TRPA1: variants seen among roughly 807,000 people sequenced by gnomAD.
TRPA1 encodes transient receptor potential cation channel subfamily A member 1.
TRPA1 carries 129 observed loss-of-function variants against 131.3 expected under a neutral mutation model. The ratio of observed to expected loss-of-function variants is 0.98; its 90% confidence interval spans 0.85 to 1.14. The LOEUF is 1.14. TRPA1 is among the 50% of genes most tolerant of loss of function. TRPA1 has a pLI of 0.00. For missense variants in TRPA1, 1,304 were observed against 1,354.2 expected (o/e 0.96, Z 0.58); for synonymous variants, 441 against 451.7 (o/e 0.98, Z 0.30).
At chr8:72,061,926 T>C (rs1434001595) in intron 6 of TRPA1, among the ~76,000 whole-genome samples, 165 bp from the exon 7 acceptor site, 1 of 152,242 alleles carries the variant, frequency 6.6e-6, no homozygotes, top group Non-Finnish European at 1.5e-5. Flanking sequence ...CTTGATTTTA[T>C]GGACCTGCAA....
intron 13 of TRPA1, 61 bp from the exon 14 acceptor site, chr8:72,052,826 T>C: frequency 6.3e-7 from 1 of 1,586,478 alleles, no homozygotes; most frequent in South Asian, 1.1e-5. Context: ...CTTATTTCAC[T>C]GCTTAACTGC....
At position 72,063,316 on chromosome 8, in the gene TRPA1, G is replaced by T. The variant is rs944242268; in HGVS notation, c.661+147C>A. On this transcript the variant is annotated intron_variant, in intron 5 of 26. Transcript: ENST00000262209. ...AATCACTTGAACCTGGAAGGCTGAA[G>T]TTGCAGTGAGCTGAGATCACACCAC... 3.1e-5 allele frequency: 19 copies of T among 619,246 alleles called. No homozygotes were observed. In the South Asian group the frequency reaches 3.5e-4, roughly 11 times the overall value. 38.4% of individuals were successfully genotyped at this position (619,246 alleles called of 1,614,324 possible).
intron 26 of TRPA1, 37 bp from the exon 27 acceptor site, chr8:72,023,153 G>A (rs772505333): frequency 2.6e-5 from 41 of 1,590,060 alleles, no homozygotes; most frequent in Non-Finnish European, 3.5e-5. Context: ...TTTATTTTCA[G>A]TTCTTCTTTT....
the TRPA1 span, among the ~76,000 whole-genome samples, chr8:72,084,491 G>T: frequency 6.7e-6 from 1 of 148,366 alleles, no homozygotes. Context: ...CTATTTTTTT[G>T]TTTCTTATGA....
chr8:72,081,954 T>G, the TRPA1 span, among the ~76,000 whole-genome samples: 1 of 151,920 alleles, frequency 6.6e-6, no homozygotes, highest in East Asian at 1.9e-4. Context: ...TTAATTACAA[T>G]ATTTACTCAT....
rs544365899 is a variant in TRPA1 at position 72,062,547 on chromosome 8, T to C, written c.807+252A>G. 7.9e-5 allele frequency among the ~76,000 whole-genome samples: 12 copies of C among 152,314 alleles called. No individual in the cohort carries two copies. In the East Asian group the frequency reaches 1.9e-3, roughly 24 times the overall value. On this transcript the variant is annotated intron_variant, in intron 6 of 26. Transcript: ENST00000262209. ...TGAGGGTAGGCCTTAACTTCTTTAA[T>C]GGCAACTGCACTAGATATATAGTCT...
chr8:72,043,656 G>T (rs10504524), intron 17 of TRPA1, among the ~76,000 whole-genome samples: 37,573 of 151,192 alleles, frequency 0.25, 4,901 homozygotes, highest in Middle Eastern at 0.42. Flanking sequence ...TCCATCTTTC[G>T]GAAATAACTG....
Position 72,055,530 on chromosome 8 carries a change from C to T in TRPA1, c.1435G>A (p.Asp479Asn). Residue 479 changes from aspartate to asparagine, a missense_variant, in exon 12 of 27, where the codon GAC becomes AAC. Asp to Asn is a conservative substitution (Grantham distance 23, BLOSUM62 1). Transcript: ENST00000262209. ...TGGAGAGGAGTCATTCCATGAAGGT[C>T]ACCTTCATTCAGAAGCCTCGTATCA... ...ISDTRLLNEG[D>N]LHGMTPLHLA... is the part of the protein sequence containing the mutation. 6.2e-7 allele frequency: 1 copy of T among 1,612,706 alleles called. No homozygotes were observed. The highest frequency in any genetic ancestry group is 8.5e-7 in the Non-Finnish European group (1 of 1,178,836).
intron 15 of TRPA1, among the ~76,000 whole-genome samples, chr8:72,049,528 T>C (rs566879002): frequency 1.4e-4 from 21 of 152,292 alleles, no homozygotes; most frequent in African/African-American, 4.8e-4. Context: ...ATTCTGCCTT[T>C]CTTGGTTATT....
intron 3 of TRPA1, 47 bp downstream of exon 3, chr8:72,068,976 C>A (rs776275600): frequency 6.2e-7 from 1 of 1,607,114 alleles, no homozygotes; most frequent in Non-Finnish European, 8.5e-7. Flanking sequence ...TGGGTCCCAG[C>A]ACCTGCACCG....
intron 8 of TRPA1, among the ~76,000 whole-genome samples, chr8:72,058,281 A>G (rs560671546): frequency 1.6e-3 from 242 of 152,162 alleles, no homozygotes; most frequent in African/African-American, 5.5e-3. Flanking sequence ...AAATAATTGA[A>G]TCGAAATCAC....
Position 72,023,832 on chromosome 8 carries a change from AT to A in TRPA1, c.3130del (p.Ile1044TyrfsTer2). 1 of 1,583,964 alleles carries A rather than the reference AT, an allele frequency of 6.3e-7. No individual in the cohort carries two copies. Among genetic ancestry groups the A allele is most frequent in the Non-Finnish European group, 8.7e-7 (1 of 1,153,022 alleles). On this transcript the variant is annotated frameshift_variant, in exon 26 of 27. Coordinates refer to ENST00000262209, the MANE Select transcript of TRPA1 (RefSeq NM_007332.3). LOFTEE classifies it high-confidence loss of function. ...PNADKSLEME[I>X]LKQKYRLKDL... ...TACATACCGGTATTTCTGCTTTAAT[AT>A]TTCCATTTCTAAAGATTTATCAGCA...
intron 25 of TRPA1, among the ~76,000 whole-genome samples, chr8:72,024,192 A>G: frequency 6.6e-6 from 1 of 152,222 alleles, no homozygotes; most frequent in Non-Finnish European, 1.5e-5. Context: ...GAATTGTTCT[A>G]TATATTTTCA....
the TRPA1 span, among the ~76,000 whole-genome samples, chr8:72,086,790 T>G: frequency 6.6e-6 from 1 of 152,242 alleles, no homozygotes; most frequent in Admixed American, 6.5e-5. Context: ...GGAAATATCA[T>G]TTCAATCCAG....
Position 72,038,980 on chromosome 8 carries a change from C to T in TRPA1, c.2180G>A (p.Cys727Tyr). The change falls in exon 19 of 27, where the codon TGT becomes TAT. Residue 727 changes from cysteine (C) to tyrosine (Y), a missense_variant. Coordinates refer to ENST00000262209, the MANE Select transcript of TRPA1 (RefSeq NM_007332.3). ...AATGGTCATAGGTATGAGACCAAGACAGTAAGATCCTAAATTCATCATATG... is the reference window on the plus strand; with the variant it reads ...AATGGTCATAGGTATGAGACCAAGATAGTAAGATCCTAAATTCATCATATG... ...RAHMMNLGSY[C>Y]LGLIPMTILV... is the part of the protein sequence containing the mutation. The T allele has an allele frequency of 6.2e-7, 1 of 1,612,944 alleles. No homozygotes were observed. Among genetic ancestry groups the T allele is most frequent in the Non-Finnish European group, 8.5e-7 (1 of 1,179,378 alleles).
At position 72,022,603 on chromosome 8, in the gene TRPA1, C is replaced by A. The variant is rs1301371269; in HGVS notation, c.*303G>T. ...AGCTTAATAGTTACATTTATTACTT[C>A]TTTTCATTAAAAATGTGTGTTCTAG... is the stretch of plus-strand genomic sequence containing the variant. On this transcript the variant is annotated 3_prime_UTR_variant, in exon 27 of 27. Coordinates refer to ENST00000262209, the MANE Select transcript of TRPA1 (RefSeq NM_007332.3). 3 of 452,924 alleles carry A rather than the reference C, an allele frequency of 6.6e-6. No individual in the cohort carries two copies. Among genetic ancestry groups the A allele is most frequent in the Non-Finnish European group, 8.1e-6 (2 of 245,782 alleles). The allele number at this position is 452,924 out of a possible 1,614,324, so 28.1% of individuals were successfully genotyped here. A position where few individuals can be genotyped will look rare whatever the true frequency, so the allele number is the denominator to read the frequency against.
intron 12 of TRPA1, 115 bp downstream of exon 12, chr8:72,055,321 A>G: frequency 1.2e-6 from 1 of 848,918 alleles, no homozygotes; most frequent in Non-Finnish European, 1.9e-6. Context: ...TAAATTGGAT[A>G]AAAGTACTTA....
At chr8:72,057,872 T>C in intron 8 of TRPA1, 56 bp from the exon 9 acceptor site, 2 of 1,285,048 alleles carry the variant, frequency 1.6e-6, no homozygotes, top group South Asian at 1.2e-5. Context: ...AATCATAATA[T>C]ATTGTAATCT....
At chr8:72,074,408 T>C (rs1806130629) in intron 1 of TRPA1, among the ~76,000 whole-genome samples, 1 of 152,240 alleles carries the variant, frequency 6.6e-6, no homozygotes, top group African/African-American at 2.4e-5. Context: ...ACAAGATCTA[T>C]TAGCATGTGT....
Sources: allele counts gnomAD v4.1 joint callset (sites outside exome capture counted in the v4.1 genomes callset), GRCh38; gene constraint gnomAD v4.1.1; transcripts MANE v1.5; gene names NCBI Gene and HGNC (gene_info 2026-07-23, HGNC 2026-07-21).